The following LRP1B variants were observed in gnomAD, a reference collection of about 807,000 sequenced individuals.
LRP1B encodes the protein LDL receptor related protein 1B, also known as low-density lipoprotein receptor-related protein 1B.
A neutral mutation model predicts 556.6 loss-of-function variants in LRP1B; 217 were observed. That is an observed-to-expected ratio of 0.39 (90% CI 0.35 to 0.44). The LOEUF is 0.44. LRP1B is among the 20% of genes least tolerant of loss of function. The pLI is 1.00. For synonymous variants in LRP1B, 2,047 were observed against 1,865.8 expected (o/e 1.10, Z -2.50); for missense variants, 5,053 against 5,620.8 (o/e 0.90, Z 3.23).
rs145174669 is a variant in LRP1B at position 140,687,599 on chromosome 2, T to G, written c.6799+12651A>C. ...GATTTTTTTTTTAGTACAAGTTCTT[T>G]TAATATACTCTTTCTCTCTCTCTCT... On this transcript the variant is annotated intron_variant, in intron 41 of 90. Transcript: ENST00000389484. Among the ~76,000 whole-genome samples, 1,290 of 152,166 alleles carry G rather than the reference T, an allele frequency of 8.5e-3. 16 individuals are homozygous for G. Among genetic ancestry groups the G allele is most frequent in the African/African-American group, 0.029 (1,208 of 41,526 alleles).
chr2:140,335,408 T>C (rs1211799982), intron 78 of LRP1B, among the ~76,000 whole-genome samples: 1 of 151,920 alleles, frequency 6.6e-6, no homozygotes, highest in Admixed American at 6.6e-5. Context: ...GAATGCATAA[T>C]ACAGGAATAT....
intron 11 of LRP1B, among the ~76,000 whole-genome samples, chr2:141,047,782 T>C (rs72981075): frequency 0.23 from 35,525 of 151,992 alleles, 4,725 homozygotes; most frequent in Non-Finnish European, 0.31. Context: ...ACCCTCTTTC[T>C]AGAGATTGTG....
chr2:141,262,112 G>A (rs193239043), intron 3 of LRP1B, among the ~76,000 whole-genome samples: 2 of 151,818 alleles, frequency 1.3e-5, no homozygotes, highest in African/African-American at 4.8e-5. Flanking sequence ...GGTAGCTATT[G>A]TACAATTATT....
intron 66 of LRP1B, among the ~76,000 whole-genome samples, chr2:140,424,406 C>G (rs1431649016): frequency 6.6e-6 from 1 of 152,110 alleles, no homozygotes. Flanking sequence ...TTAAATTTGT[C>G]TCTGGATTCA....
chr2:141,026,109 A>T (rs1443063545), intron 11 of LRP1B, among the ~76,000 whole-genome samples: 1 of 152,094 alleles, frequency 6.6e-6, no homozygotes, highest in Non-Finnish European at 1.5e-5. Context: ...CCATTTTTGG[A>T]ACACAATATA....
At chr2:141,234,603 C>A (rs1683586476) in intron 5 of LRP1B, among the ~76,000 whole-genome samples, 1 of 152,042 alleles carries the variant, frequency 6.6e-6, no homozygotes, top group African/African-American at 2.4e-5. Context: ...TCTTGAACTC[C>A]TGACCTCAGG....
intron 67 of LRP1B, among the ~76,000 whole-genome samples, chr2:140,385,387 G>A (rs1306076031): frequency 1.3e-5 from 2 of 152,182 alleles, no homozygotes; most frequent in Non-Finnish European, 2.9e-5. Flanking sequence ...GGAGAAGACA[G>A]ATGATAACAA....
chr2:141,287,392 G>C (rs1049892690), intron 3 of LRP1B, among the ~76,000 whole-genome samples: 2 of 149,422 alleles, frequency 1.3e-5, no homozygotes, highest in African/African-American at 4.9e-5. Flanking sequence ...GCACAATCTC[G>C]GCTCACTGCA....
intron 3 of LRP1B, among the ~76,000 whole-genome samples, chr2:141,269,823 T>C (rs1299985884): frequency 6.6e-6 from 1 of 152,174 alleles, no homozygotes; most frequent in Non-Finnish European, 1.5e-5. Context: ...AAGCCCCAGA[T>C]GTTGAAATTA....
At chr2:141,707,563 G>T (rs1692190200) in intron 2 of LRP1B, among the ~76,000 whole-genome samples, 1 of 152,118 alleles carries the variant, frequency 6.6e-6, no homozygotes, top group Non-Finnish European at 1.5e-5. Context: ...TGCAATTACT[G>T]CACACACAGG....
At chr2:142,130,080 C>G (rs1334390651) in intron 1 of LRP1B, among the ~76,000 whole-genome samples, 1 of 152,110 alleles carries the variant, frequency 6.6e-6, no homozygotes, top group Non-Finnish European at 1.5e-5. Context: ...TGCGTGCGCC[C>G]GGAATCGTCC....
intron 77 of LRP1B, 128 bp from the exon 78 acceptor site, chr2:140,335,966 T>G (rs1157988618): frequency 1.6e-6 from 1 of 643,914 alleles, no homozygotes; most frequent in Non-Finnish European, 2.8e-6. Context: ...TATATAGATG[T>G]CAAAAAGATA....
At chr2:142,096,739 T>C (rs1394336747) in intron 1 of LRP1B, among the ~76,000 whole-genome samples, 1 of 151,714 alleles carries the variant, frequency 6.6e-6, no homozygotes, top group Non-Finnish European at 1.5e-5. Context: ...TAAACTTGTA[T>C]TTTAAATTCA....
chr2:141,766,277 C>A (rs2105605677), intron 2 of LRP1B, among the ~76,000 whole-genome samples: 1 of 152,176 alleles, frequency 6.6e-6, no homozygotes, highest in South Asian at 2.1e-4. Context: ...ATTGATTGTA[C>A]AAATTTCAAT....
intron 2 of LRP1B, among the ~76,000 whole-genome samples, chr2:141,705,538 G>A (rs1692105346): frequency 6.6e-6 from 1 of 151,974 alleles, no homozygotes; most frequent in South Asian, 2.1e-4. Context: ...CTAACACATT[G>A]TGCTAATGCT....
chr2:140,418,170 G>T (rs1685279574), intron 66 of LRP1B, among the ~76,000 whole-genome samples: 1 of 152,156 alleles, frequency 6.6e-6, no homozygotes, highest in South Asian at 2.1e-4. Flanking sequence ...TGCATTCAAA[G>T]CCAAACTGTA....
chr2:141,331,180 C>A (rs1411921876), intron 3 of LRP1B, among the ~76,000 whole-genome samples: 1 of 152,112 alleles, frequency 6.6e-6, no homozygotes, highest in Non-Finnish European at 1.5e-5. Context: ...CCTGCCTATC[C>A]CTGATCCTTA....
chr2:141,685,960 T>G (rs1184035157), intron 2 of LRP1B, among the ~76,000 whole-genome samples: 2 of 152,056 alleles, frequency 1.3e-5, no homozygotes, highest in African/African-American at 4.8e-5. Context: ...TACACTGCAT[T>G]TATCCAAACA....
intron 3 of LRP1B, among the ~76,000 whole-genome samples, chr2:141,367,476 T>TA (rs1294048755): frequency 8.6e-6 from 1 of 116,364 alleles, no homozygotes; most frequent in African/African-American, 3.4e-5. Context: ...AAATGCTTTT[T>TA]TTTTTTTTTT....
Sources: gnomAD v4.1 joint callset for allele counts (sites outside exome capture counted in the v4.1 genomes callset) on GRCh38, gnomAD v4.1.1 for gene constraint, MANE v1.5 for transcripts, NCBI Gene and HGNC (gene_info 2026-07-23, HGNC 2026-07-21) for gene names.